Variants in ZNF207 observed in about 807,000 individuals in gnomAD.
ZNF207 encodes the protein zinc finger protein 207.
ZNF207 carries 24 observed loss-of-function variants against 60.2 expected under a neutral mutation model. That is an observed-to-expected ratio of 0.40 (90% CI 0.29 to 0.56). The LOEUF (loss-of-function observed/expected upper bound fraction) is 0.56, where lower values mean the gene tolerates loss of function less well. Among genes scored for constraint, ZNF207 ranks in the 20% least tolerant of loss-of-function variants. The pLI is 0.49. For synonymous variants in ZNF207, 236 were observed against 194.7 expected, an observed-to-expected ratio of 1.21 and a Z score of -1.77; for missense variants, 452 against 636.6, an observed-to-expected ratio of 0.71 and a Z score of 3.12.
At chr17:32,366,633 CT>C in intron 8 of ZNF207, 31 bp from the exon 9 acceptor site, 3 of 1,571,588 alleles carry the variant, frequency 1.9e-6, no homozygotes, top group Non-Finnish European at 2.6e-6. Context: ...TGTTTGGAGA[CT>C]TTTCATTGTT....
intron 6 of ZNF207, 27 bp from the exon 7 acceptor site, chr17:32,362,887 T>A (rs779828537): frequency 1.2e-6 from 2 of 1,605,604 alleles, no homozygotes; most frequent in Non-Finnish European, 1.7e-6. Context: ...ATTAACTTAC[T>A]GTTTCTTGAA....
chr17:32,366,558 A>G, intron 8 of ZNF207, 107 bp from the exon 9 acceptor site: 1 of 759,280 alleles, frequency 1.3e-6, no homozygotes, highest in Non-Finnish European at 1.9e-6. Context: ...TGATTGCATT[A>G]AATTTTGCAT....
At position 32,378,521 on chromosome 17, in the gene ZNF207, ATAAC is replaced by A. The variant is rs1215268559; in HGVS notation, c.*8763_*8766del. 5 of 151,988 alleles carry A rather than the reference ATAAC, an allele frequency of 3.3e-5. No homozygotes were observed. The East Asian group carries it at 9.6e-4, about 29-fold the overall frequency. The allele number at this position is 151,988 out of a possible 1,614,324, so 9.4% of individuals were successfully genotyped here. A position where few individuals can be genotyped will look rare whatever the true frequency, so the allele number is the denominator to read the frequency against. Reference sequence around the variant, plus strand: ...TATTTTTGTTCTTTTTTTGTAAACTATAACGTATCCCGTTGGTGTACCAGTGAGT... The same window carrying A: ...TATTTTTGTTCTTTTTTTGTAAACTAGTATCCCGTTGGTGTACCAGTGAGT... On this transcript the variant is annotated 3_prime_UTR_variant, in exon 12 of 12. Coordinates refer to ENST00000394670, the MANE Select transcript of ZNF207 (RefSeq NM_001098507.2).
intron 2 of ZNF207, among the ~76,000 whole-genome samples, chr17:32,355,490 G>A (rs1010509901): frequency 4.6e-5 from 7 of 152,166 alleles, no homozygotes; most frequent in African/African-American, 7.2e-5. Context: ...TTGAGTGTAG[G>A]TATGTTTGAG....
chr17:32,362,061 T>A (rs978036237), intron 6 of ZNF207, among the ~76,000 whole-genome samples: 1 of 152,080 alleles, frequency 6.6e-6, no homozygotes, highest in African/African-American at 2.4e-5. Flanking sequence ...TTATTGTAAA[T>A]AGGCCATCTG....
chr17:32,364,008 G>T (rs969884397), intron 7 of ZNF207, among the ~76,000 whole-genome samples: 13 of 149,998 alleles, frequency 8.7e-5, no homozygotes, highest in Admixed American at 8.0e-4. Context: ...AGGGGTGTCG[G>T]TTGTAGTGCA....
chr17:32,355,601 A>G lies in ZNF207; in HGVS notation c.169-2902A>G, dbSNP rs796882519. On this transcript the variant is annotated intron_variant, in intron 2 of 11. Transcript: ENST00000394670. ...AGGAGATAGAAATTTGGACGCATACAATGTAAGGGTGGCTAGTTTAAGCCG... is the reference window on the plus strand; with the variant it reads ...AGGAGATAGAAATTTGGACGCATACGATGTAAGGGTGGCTAGTTTAAGCCG... 5.9e-5 allele frequency among the ~76,000 whole-genome samples: 9 copies of G among 152,306 alleles called. 1 individual carries two copies. The highest frequency in any genetic ancestry group is 1.9e-4 in the African/African-American group (8 of 41,574).
chr17:32,363,040 T>C, intron 7 of ZNF207, 56 bp downstream of exon 7: 1 of 1,518,162 alleles, frequency 6.6e-7, no homozygotes. Flanking sequence ...TTCTAAGTTT[T>C]TTTAGACGTC....
chr17:32,367,718 ATATAGT>A, intron 9 of ZNF207, 48 bp from the exon 10 acceptor site: 1 of 1,601,440 alleles, frequency 6.2e-7, no homozygotes, highest in Middle Eastern at 1.7e-4. Flanking sequence ...ACTGTTGTAG[ATATAGT>A]TAATTTAAGG....
intron 4 of ZNF207, 27 bp downstream of exon 4, chr17:32,360,792 A>G: frequency 6.2e-7 from 1 of 1,612,694 alleles, no homozygotes; most frequent in Non-Finnish European, 8.5e-7. Flanking sequence ...CTTAAAATCT[A>G]ACATTTTTAG....
In ZNF207 at chr17:32,369,865, A is replaced by G; in HGVS notation, c.*106A>G. ...ATAAGGCTTCATTGTGACTTTAACA[A>G]ACATTATCTTCCCACATACCAGGAA... On this transcript the variant is annotated 3_prime_UTR_variant, in exon 12 of 12. Coordinates refer to ENST00000394670, the MANE Select transcript of ZNF207 (RefSeq NM_001098507.2). 8.4e-7 allele frequency: 1 copy of G among 1,191,042 alleles called. No homozygotes were observed. Among genetic ancestry groups the G allele is most frequent in the Non-Finnish European group, 1.1e-6 (1 of 914,814 alleles). The allele number at this position is 1,191,042 out of a possible 1,614,324, so 73.8% of individuals were successfully genotyped here.
chr17:32,350,233 C>T lies in ZNF207; in HGVS notation c.-53C>T, dbSNP rs371425544. 72 of 1,612,690 alleles carry T rather than the reference C, an allele frequency of 4.5e-5. No individual in the cohort carries two copies. The South Asian group carries it at 7.7e-4, about 17-fold the overall frequency. On this transcript the variant is annotated 5_prime_UTR_variant, in exon 1 of 12. Coordinates refer to ENST00000394670, the MANE Select transcript of ZNF207 (RefSeq NM_001098507.2). ...TGGGAAAGTGAGGGATTTTTGGCCT[C>T]GTTTCTCCTGCTTCTTTTCTCCTCC...
rs545258919 is a variant in ZNF207 at position 32,370,599 on chromosome 17, CT to C, written c.*843del. 7.9e-5 allele frequency: 12 copies of C among 152,298 alleles called. No homozygotes were observed. The East Asian group carries it at 2.1e-3, about 27-fold the overall frequency. 9.4% of individuals were successfully genotyped at this position (152,298 alleles called of 1,614,324 possible). On this transcript the variant is annotated 3_prime_UTR_variant, in exon 12 of 12. Transcript: ENST00000394670. ...AGTCATTACATAATGGGTATGAAAT[CT>C]TTATAATCACCCTTCCACCCTCTAT...
rs1280447655 is a variant in ZNF207 at position 32,377,595 on chromosome 17, G to A, written c.*7836G>A. 1 of 151,948 alleles carries A rather than the reference G, an allele frequency of 6.6e-6. No homozygotes were observed. Among genetic ancestry groups the A allele is most frequent in the Non-Finnish European group, 1.5e-5 (1 of 67,876 alleles). The allele number at this position is 151,948 out of a possible 1,614,324, so 9.4% of individuals were successfully genotyped here. A position where few individuals can be genotyped will look rare whatever the true frequency, so the allele number is the denominator to read the frequency against. Reference sequence around the variant, plus strand: ...AAAAATTGCTTGTCTTTGGGGGTATGTCTACATATTCGTTTAAATTTAGAA... The same window carrying A: ...AAAAATTGCTTGTCTTTGGGGGTATATCTACATATTCGTTTAAATTTAGAA... On this transcript the variant is annotated 3_prime_UTR_variant, in exon 12 of 12. Coordinates refer to ENST00000394670, the MANE Select transcript of ZNF207 (RefSeq NM_001098507.2).
chr17:32,357,348 A>ATTTTTTTTTTTT (rs772462101), intron 2 of ZNF207, among the ~76,000 whole-genome samples: 14 of 77,654 alleles, frequency 1.8e-4, no homozygotes, highest in African/African-American at 9.3e-4. Context: ...TATTATTATT[A>ATTTTTTTTTTTT]TTATTTTTTT....
chr17:32,351,756 C>G (rs1022835929), intron 1 of ZNF207, 30 bp from the exon 2 acceptor site: 6 of 1,608,146 alleles, frequency 3.7e-6, no homozygotes, highest in Non-Finnish European at 5.1e-6. Flanking sequence ...CATCATTAGG[C>G]TGTCTTTGTG....
intron 10 of ZNF207, among the ~76,000 whole-genome samples, chr17:32,368,643 A>G (rs1442628028): frequency 6.6e-6 from 1 of 150,632 alleles, no homozygotes; most frequent in Non-Finnish European, 1.5e-5. Context: ...TTGAGCCAAG[A>G]TTGCACCACT....
In ZNF207 at chr17:32,378,512, T is replaced by C. The variant is rs1227153138; in HGVS notation, c.*8753T>C. The C allele has an allele frequency of 6.6e-6, 1 of 152,076 alleles. No homozygotes were observed. The highest frequency in any genetic ancestry group is 1.5e-5 in the Non-Finnish European group (1 of 67,930). 9.4% of individuals were successfully genotyped at this position (152,076 alleles called of 1,614,324 possible). On this transcript the variant is annotated 3_prime_UTR_variant, in exon 12 of 12. Transcript: ENST00000394670. Reference sequence around the variant, plus strand: ...GTACTCCTCTATTTTTGTTCTTTTTTTGTAAACTATAACGTATCCCGTTGG... The same window carrying C: ...GTACTCCTCTATTTTTGTTCTTTTTCTGTAAACTATAACGTATCCCGTTGG...
chr17:32,352,056 C>T, intron 2 of ZNF207, 144 bp downstream of exon 2: 1 of 733,474 alleles, frequency 1.4e-6, no homozygotes, highest in South Asian at 2.5e-5. Flanking sequence ...CAACCTCTGC[C>T]TCTCGGGTTC....
Sources: allele counts gnomAD v4.1 joint callset (sites outside exome capture counted in the v4.1 genomes callset), GRCh38; gene constraint gnomAD v4.1.1; transcripts MANE v1.5; gene names NCBI Gene and HGNC (gene_info 2026-07-23, HGNC 2026-07-21).